Variants in ANKFY1 observed in about 807,000 individuals in gnomAD.
The protein encoded by ANKFY1 is ankyrin repeat and FYVE domain containing 1, also known as ankyrin repeat and FYVE domain-containing protein 1.
ANKFY1 carries 47 observed loss-of-function variants against 128.3 expected under a neutral mutation model. The observed-to-expected ratio is 0.37, with a 90% CI of 0.29 to 0.47. The LOEUF is 0.47. Ranked by LOEUF, ANKFY1 falls within the 20% of genes least tolerant of loss-of-function variation. The pLI, the probability that ANKFY1 is intolerant of heterozygous loss-of-function variation, is 1.00. For synonymous variants in ANKFY1, 553 were observed against 601.6 expected, an observed-to-expected ratio of 0.92 and a Z score of 1.18; for missense variants, 1,222 against 1,510.6, an observed-to-expected ratio of 0.81 and a Z score of 3.17.
chr17:4,194,103 ATTTTTT>A (rs796921017), intron 10 of ANKFY1, among the ~76,000 whole-genome samples: 1 of 108,186 alleles, frequency 9.2e-6, no homozygotes, highest in South Asian at 2.6e-4. Flanking sequence ...ATATATATAT[ATTTTTT>A]TTTTTTTTTT....
chr17:4,219,884 C>T (rs555330256), intron 3 of ANKFY1, among the ~76,000 whole-genome samples: 8 of 152,152 alleles, frequency 5.3e-5, no homozygotes, highest in African/African-American at 1.2e-4. Context: ...TGCAGTGGCG[C>T]GATCTGAGCT....
At chr17:4,202,473 C>T (rs981845315) in intron 7 of ANKFY1, among the ~76,000 whole-genome samples, 6 of 150,122 alleles carry the variant, frequency 4.0e-5, no homozygotes, top group South Asian at 4.2e-4. Flanking sequence ...CCGAGACGGG[C>T]GGATCACGAG....
At chr17:4,229,787 G>T (rs1242852366) in intron 3 of ANKFY1, among the ~76,000 whole-genome samples, 1 of 152,178 alleles carries the variant, frequency 6.6e-6, no homozygotes, top group Non-Finnish European at 1.5e-5. Flanking sequence ...GGCCGCTAAC[G>T]TTCCCCCAAA....
chr17:4,235,002 T>G (rs1304048000), intron 3 of ANKFY1, among the ~76,000 whole-genome samples: 1 of 152,158 alleles, frequency 6.6e-6, no homozygotes, highest in Admixed American at 6.6e-5. Flanking sequence ...GAAAGAATAT[T>G]GTTATTCTTC....
chr17:4,255,243 CTTT>C (rs1177087196), intron 1 of ANKFY1, among the ~76,000 whole-genome samples: 30 of 119,868 alleles, frequency 2.5e-4, no homozygotes, highest in African/African-American at 7.0e-4. Context: ...TCATGTAATT[CTTT>C]TTTTTTTTTT....
chr17:4,203,076 C>A (rs2059962696), intron 7 of ANKFY1, among the ~76,000 whole-genome samples: 1 of 150,370 alleles, frequency 6.7e-6, no homozygotes, highest in Admixed American at 6.6e-5. Flanking sequence ...AAAAGAAAGC[C>A]CAGAGGGTAC....
chr17:4,194,103 A>ATATATT (rs1555627694), intron 10 of ANKFY1, among the ~76,000 whole-genome samples: 78 of 108,158 alleles, frequency 7.2e-4, no homozygotes, highest in Non-Finnish European at 9.1e-4. Context: ...ATATATATAT[A>ATATATT]TTTTTTTTTT....
chr17:4,190,441 A>C (rs181189804), intron 10 of ANKFY1, among the ~76,000 whole-genome samples: 26 of 152,160 alleles, frequency 1.7e-4, no homozygotes, highest in African/African-American at 6.3e-4. Context: ...ACTCTGTCTC[A>C]AAGAAAAAAA....
Position 4,263,957 on chromosome 17 carries a change from G to A in ANKFY1, c.-16C>T. On this transcript the variant is annotated 5_prime_UTR_variant, in exon 1 of 25. Transcript: ENST00000341657. The stretch of plus-strand genomic sequence containing the variant: ...CTTCCGCCATGTCTGGCCCGGCACT[G>A]CCTGCAACCTCGCGAGAAGTGCGCG... 6.2e-7 allele frequency: 1 copy of A among 1,613,996 alleles called. No homozygotes were observed.
intron 1 of ANKFY1, chr17:4,263,447 G>C (rs1968529026): frequency 1.6e-6 from 2 of 1,215,940 alleles, no homozygotes; most frequent in South Asian, 3.0e-5. Context: ...GCGTGGGCCA[G>C]CTCGCTGCTG....
At chr17:4,257,211 T>C (rs755751622) in intron 1 of ANKFY1, among the ~76,000 whole-genome samples, 3 of 152,142 alleles carry the variant, frequency 2.0e-5, no homozygotes, top group Non-Finnish European at 4.4e-5. Context: ...TTCTGTGGTC[T>C]TTCTCCCATC....
Position 4,172,566 on chromosome 17 carries a change from G to C in ANKFY1, c.3129C>G (p.Asp1043Glu), listed in dbSNP as rs376122707. Residue 1043 changes from aspartate to glutamate, a missense_variant, in exon 22 of 25, where the codon GAC becomes GAG. Transcript: ENST00000341657. Reference sequence around the variant, plus strand: ...GCCCTTGGTACACACCCGTGCTGCCGTCTGCATCCGGCTTGTCCAGAGGAT... The same window carrying C: ...GCCCTTGGTACACACCCGTGCTGCCCTCTGCATCCGGCTTGTCCAGAGGAT... ...PGYPLDKPDADGSTVLLLAYM... is the reference protein window; with the variant it reads ...PGYPLDKPDAEGSTVLLLAYM... 2.5e-6 allele frequency: 4 copies of C among 1,613,752 alleles called. No homozygotes were observed. The highest frequency in any genetic ancestry group is 3.4e-6 in the Non-Finnish European group (4 of 1,179,814).
intron 8 of ANKFY1, 57 bp from the exon 9 acceptor site, chr17:4,195,528 A>G (rs2059802419): frequency 7.4e-7 from 1 of 1,344,258 alleles, no homozygotes; most frequent in East Asian, 2.3e-5. Context: ...AGGATGACTC[A>G]CGGCAAGACG....
intron 1 of ANKFY1, among the ~76,000 whole-genome samples, chr17:4,256,731 T>C (rs1423576057): frequency 6.6e-6 from 1 of 152,194 alleles, no homozygotes; most frequent in Non-Finnish European, 1.5e-5. Context: ...TTCTGCAAGT[T>C]CCATTAAGGT....
rs755066666 is a variant in ANKFY1, at chr17:4,195,177, T to C, written c.1173A>G (p.Gln391=). 3 of 1,603,116 alleles carry C rather than the reference T, an allele frequency of 1.9e-6. No homozygotes were observed. The highest frequency in any genetic ancestry group is 1.7e-6 in the Non-Finnish European group (2 of 1,172,322). The change falls in exon 10 of 25, where the codon CAA becomes CAG. Residue 391 remains glutamine, a splice_region_variant and synonymous_variant. Coordinates refer to ENST00000341657, the MANE Select transcript of ANKFY1 (RefSeq NM_001330063.2). ...CGTGGTCTTTGAGTTCTAAATCTAGTCTGAAAAGCAGAAGCAGTGTCAACA... is the reference window on the plus strand; with the variant it reads ...CGTGGTCTTTGAGTTCTAAATCTAGCCTGAAAAGCAGAAGCAGTGTCAACA... ...YVFSQLLQCK[Q]LDLELKDHEG...
intron 19 of ANKFY1, among the ~76,000 whole-genome samples, chr17:4,175,543 T>C (rs1441061906): frequency 1.3e-5 from 2 of 152,150 alleles, no homozygotes; most frequent in Non-Finnish European, 2.9e-5. Context: ...CTGAGGTGTA[T>C]GGCCACCCCT....
intron 3 of ANKFY1, among the ~76,000 whole-genome samples, chr17:4,226,886 C>G (rs2060435689): frequency 6.6e-6 from 1 of 151,952 alleles, no homozygotes; most frequent in African/African-American, 2.4e-5. Flanking sequence ...ACATAAATCA[C>G]CAATACCCAA....
intron 5 of ANKFY1, among the ~76,000 whole-genome samples, chr17:4,209,354 G>C (rs748345345): frequency 2.0e-5 from 3 of 152,212 alleles, no homozygotes; most frequent in African/African-American, 4.8e-5. Context: ...AGGCTGGAGT[G>C]CAGTGGCGCG....
At chr17:4,199,670 G>T (rs1451017165) in intron 7 of ANKFY1, among the ~76,000 whole-genome samples, 1 of 152,162 alleles carries the variant, frequency 6.6e-6, no homozygotes, top group Non-Finnish European at 1.5e-5. Context: ...ACTCTAGATT[G>T]GTTCTACAAA....
Sources: gnomAD v4.1 joint callset for allele counts (sites outside exome capture counted in the v4.1 genomes callset) on GRCh38, gnomAD v4.1.1 for gene constraint, MANE v1.5 for transcripts, NCBI Gene and HGNC (gene_info 2026-07-23, HGNC 2026-07-21) for gene names.